USP45: variants seen among roughly 807,000 people sequenced by gnomAD.
The protein encoded by USP45 is ubiquitin carboxyl-terminal hydrolase 45.
In USP45, 89 loss-of-function variants were observed where a neutral mutation model predicts 95.8. The observed-to-expected ratio is 0.93, with a 90% CI of 0.78 to 1.11. The LOEUF is 1.11. Among genes scored for constraint, USP45 ranks in the 50% least tolerant of loss-of-function variants. USP45 has a pLI of 0.00. For synonymous variants in USP45, 281 were observed against 316.2 expected (o/e 0.89, Z 1.18); for missense variants, 898 against 942.5 (o/e 0.95, Z 0.62).
At chr6:99,515,801 G>A (rs1450218287), upstream of USP45, among the ~76,000 whole-genome samples, 3 of 132,428 alleles carry the variant, frequency 2.3e-5, no homozygotes, top group African/African-American at 8.8e-5. Flanking sequence ...TTGAGACGGA[G>A]TCTCGCTCTG....
At chr6:99,508,274 G>GAATA (rs550769080) in intron 3 of USP45, among the ~76,000 whole-genome samples, 201 of 152,182 alleles carry the variant, frequency 1.3e-3, no homozygotes, top group African/African-American at 4.5e-3. Context: ...AAAAGCAGCA[G>GAATA]AATAATCTGT....
chr6:99,495,452 C>T (rs9321565), intron 5 of USP45, among the ~76,000 whole-genome samples: 129,455 of 151,766 alleles, frequency 0.85, 55,921 homozygotes, highest in East Asian at 1. Flanking sequence ...CATTTAGAGT[C>T]GGATAGTTTG....
At chr6:99,439,743 C>A in intron 16 of USP45, 26 bp downstream of exon 16, 2 of 1,412,368 alleles carry the variant, frequency 1.4e-6, no homozygotes, top group South Asian at 1.4e-5. Context: ...ATTTATAAAT[C>A]AATTAAATAT....
At chr6:99,453,033 G>C (rs571890798) in intron 13 of USP45, among the ~76,000 whole-genome samples, 4 of 152,098 alleles carry the variant, frequency 2.6e-5, no homozygotes, top group Non-Finnish European at 5.9e-5. Flanking sequence ...GTTGTGGGGT[G>C]GCGGGAGCAG....
chr6:99,509,482 T>C (rs374525430), intron 2 of USP45, among the ~76,000 whole-genome samples: 7 of 151,962 alleles, frequency 4.6e-5, no homozygotes, highest in African/African-American at 1.5e-4. Context: ...AATATCCCTT[T>C]AAATGGAGAG....
chr6:99,461,633 T>C (rs1318425190), intron 13 of USP45: 5 of 983,520 alleles, frequency 5.1e-6, no homozygotes, highest in Non-Finnish European at 3.6e-6. Context: ...TATGTAATTA[T>C]TTTTATCATT....
intron 8 of USP45, among the ~76,000 whole-genome samples, chr6:99,479,947 T>C (rs1474139523): frequency 6.6e-6 from 1 of 152,122 alleles, no homozygotes; most frequent in African/African-American, 2.4e-5. Context: ...ATGATACAGA[T>C]TGGAAAGAAA....
intron 5 of USP45, among the ~76,000 whole-genome samples, chr6:99,489,093 G>A (rs1019789829): frequency 2.6e-5 from 4 of 152,038 alleles, no homozygotes; most frequent in South Asian, 4.1e-4. Context: ...AAGAACAGTC[G>A]AGAACAAGTA....
At position 99,494,691 on chromosome 6, in the gene USP45, C is replaced by T. The variant is rs1311668822; in HGVS notation, c.479-5871G>A. Among the ~76,000 whole-genome samples, 5 of 152,158 alleles carry T rather than the reference C, an allele frequency of 3.3e-5. 1 individual carries two copies. In the South Asian group the frequency reaches 6.2e-4, roughly 19 times the overall value. ...GCAGGATCACTTAAAGTCAGGAGTT[C>T]GAGACCAGCCTGGCCAACATGGTGA... On this transcript the variant is annotated intron_variant, in intron 5 of 17. Transcript: ENST00000500704.
At chr6:99,465,786 C>T (rs1414750440) in intron 11 of USP45, among the ~76,000 whole-genome samples, 2 of 152,050 alleles carry the variant, frequency 1.3e-5, no homozygotes, top group African/African-American at 2.4e-5. Flanking sequence ...AAATTTAAAC[C>T]TATCATACTC....
upstream of USP45, among the ~76,000 whole-genome samples, chr6:99,515,830 A>G (rs556820126): frequency 3.7e-3 from 489 of 131,526 alleles, 5 homozygotes; most frequent in African/African-American, 0.014. Flanking sequence ...GCTGCAGTGC[A>G]ATGGCAAGAT....
chr6:99,506,869 C>G (rs550353610), intron 4 of USP45, among the ~76,000 whole-genome samples: 36 of 151,784 alleles, frequency 2.4e-4, no homozygotes, highest in Non-Finnish European at 3.8e-4. Context: ...AAAAAATCAA[C>G]TAAAAAGAAT....
At chr6:99,458,733 G>A (rs1438742521) in intron 13 of USP45, among the ~76,000 whole-genome samples, 3 of 152,138 alleles carry the variant, frequency 2.0e-5, no homozygotes, top group Non-Finnish European at 4.4e-5. Flanking sequence ...AAAGCCAGAG[G>A]AAAAGAACTA....
chr6:99,437,701 A>G (rs1048042072), intron 16 of USP45, among the ~76,000 whole-genome samples: 7 of 152,010 alleles, frequency 4.6e-5, no homozygotes, highest in African/African-American at 1.4e-4. Context: ...TCTGTTACCC[A>G]GGCTGGAGTG....
chr6:99,511,707 C>T (rs1353526167), intron 1 of USP45, among the ~76,000 whole-genome samples: 2 of 151,802 alleles, frequency 1.3e-5, no homozygotes, highest in African/African-American at 4.8e-5. Flanking sequence ...CATGCCTTGG[C>T]TTCCCAAACT....
At chr6:99,486,683 T>G (rs1352281873) in intron 7 of USP45, among the ~76,000 whole-genome samples, 1 of 151,754 alleles carries the variant, frequency 6.6e-6, no homozygotes, top group African/African-American at 2.4e-5. Flanking sequence ...AAGATATATA[T>G]ATAAAACAAT....
At chr6:99,445,534 T>C (rs1782366717) in intron 14 of USP45, among the ~76,000 whole-genome samples, 1 of 151,800 alleles carries the variant, frequency 6.6e-6, no homozygotes, top group South Asian at 2.1e-4. Context: ...AGATTTCAGA[T>C]AGGTAGTTCC....
chr6:99,512,063 T>G (rs1234476435), intron 1 of USP45, among the ~76,000 whole-genome samples: 1 of 152,102 alleles, frequency 6.6e-6, no homozygotes, highest in Non-Finnish European at 1.5e-5. Context: ...TTTCCTTAGT[T>G]GACCCTAAAT....
chr6:99,437,645 A>T (rs2128523454), intron 16 of USP45, among the ~76,000 whole-genome samples: 1 of 152,144 alleles, frequency 6.6e-6, no homozygotes, highest in East Asian at 1.9e-4. Flanking sequence ...CTATGCAGGG[A>T]TGTTTCTTTT....
Sources: gnomAD v4.1 joint callset for allele counts (sites outside exome capture counted in the v4.1 genomes callset) on GRCh38, gnomAD v4.1.1 for gene constraint, MANE v1.5 for transcripts, NCBI Gene and HGNC (gene_info 2026-07-23, HGNC 2026-07-21) for gene names.